The following CSMD1 variants were observed in gnomAD, a reference collection of about 807,000 sequenced individuals.
CSMD1 encodes the protein CUB and Sushi multiple domains 1, also known as CUB and sushi domain-containing protein 1.
In CSMD1, 213 loss-of-function variants were observed where a neutral mutation model predicts 417.5. That is an observed-to-expected ratio of 0.51 (90% CI 0.46 to 0.57). The LOEUF (loss-of-function observed/expected upper bound fraction) is 0.57. CSMD1 is among the 20% of genes least tolerant of loss of function. CSMD1 has a pLI of 0.00. For missense variants in CSMD1, 6,923 were observed against 4,529.7 expected, an observed-to-expected ratio of 1.53 and a Z score of -15.17; for synonymous variants, 2,862 against 1,736.8, an observed-to-expected ratio of 1.65 and a Z score of -16.11.
Position 2,973,190 on chromosome 8 carries a change from G to A in CSMD1, c.8850C>T (p.His2950=), listed in dbSNP as rs758133761. 6.2e-7 allele frequency: 1 copy of A among 1,613,774 alleles called. No homozygotes were observed. The highest frequency in any genetic ancestry group is 1.7e-5 in the Admixed American group (1 of 60,012). The part of the protein sequence containing the change: ...SLLRFSCEMG[H]QLRGSPERTC... ...TGCGTTCAGGGGAGCCCCTCAGCTG[G>A]TGCCCCATTTCACAGGAGAAGCGGA... Residue 2950 remains histidine, a synonymous_variant, in exon 57 of 70, where the codon CAC becomes CAT. Transcript: ENST00000635120.
At chr8:4,364,240 A>T (rs1268667368) in intron 3 of CSMD1, among the ~76,000 whole-genome samples, 1 of 152,228 alleles carries the variant, frequency 6.6e-6, no homozygotes, top group Non-Finnish European at 1.5e-5. Flanking sequence ...AACATTAAAA[A>T]TGCTTTACAT....
chr8:3,178,273 G>A (rs1024786732), intron 37 of CSMD1, among the ~76,000 whole-genome samples: 16 of 151,962 alleles, frequency 1.1e-4, no homozygotes, highest in African/African-American at 3.9e-4. Flanking sequence ...GGTTAAGGGG[G>A]CCTTGTTTTC....
chr8:4,282,347 C>T (rs1364455959), intron 3 of CSMD1, among the ~76,000 whole-genome samples: 1 of 152,156 alleles, frequency 6.6e-6, no homozygotes, highest in Non-Finnish European at 1.5e-5. Context: ...CACAGATCTT[C>T]TGGCCACTGG....
intron 30 of CSMD1, among the ~76,000 whole-genome samples, chr8:3,211,623 G>T (rs1213665652): frequency 6.6e-6 from 1 of 152,188 alleles, no homozygotes; most frequent in Non-Finnish European, 1.5e-5. Context: ...CCTAGAGACT[G>T]TCATCGCTCT....
At chr8:4,944,667 T>C (rs889508936) in intron 1 of CSMD1, among the ~76,000 whole-genome samples, 16 of 152,138 alleles carry the variant, frequency 1.1e-4, no homozygotes, top group Non-Finnish European at 2.9e-5. Context: ...TTATTGATCA[T>C]TAGAGGAATG....
intron 3 of CSMD1, among the ~76,000 whole-genome samples, chr8:4,057,478 T>C (rs1460536525): frequency 6.6e-6 from 1 of 152,212 alleles, no homozygotes; most frequent in African/African-American, 2.4e-5. Context: ...ACCCATTTTG[T>C]AGGTTGCCTG....
chr8:3,989,755 G>C (rs535039983), intron 5 of CSMD1, among the ~76,000 whole-genome samples: 1 of 152,328 alleles, frequency 6.6e-6, no homozygotes, highest in South Asian at 2.1e-4. Flanking sequence ...AAACGCTAAT[G>C]TTCTAGGCCA....
intron 2 of CSMD1, among the ~76,000 whole-genome samples, chr8:4,558,444 C>T (rs759167579): frequency 3.3e-5 from 5 of 152,134 alleles, no homozygotes; most frequent in Non-Finnish European, 5.9e-5. Flanking sequence ...TAATAATCAG[C>T]TTAAGTGAGG....
intron 35 of CSMD1, among the ~76,000 whole-genome samples, chr8:3,188,652 A>T (rs947961351): frequency 5.3e-5 from 8 of 151,746 alleles, no homozygotes; most frequent in Non-Finnish European, 1.0e-4. Flanking sequence ...TTTTTATTTT[A>T]AAAAATTGAT....
At chr8:4,293,141 G>T (rs909942204) in intron 3 of CSMD1, among the ~76,000 whole-genome samples, 5 of 152,050 alleles carry the variant, frequency 3.3e-5, no homozygotes, top group Admixed American at 2.6e-4. Context: ...GTTTTGTCCC[G>T]CACCTGCCCT....
chr8:4,198,762 G>A (rs1265527017), intron 3 of CSMD1, among the ~76,000 whole-genome samples: 1 of 151,816 alleles, frequency 6.6e-6, no homozygotes, highest in East Asian at 1.9e-4. Flanking sequence ...TGTGAATTTT[G>A]AAATACTATT....
chr8:4,218,113 T>A (rs553167326), intron 3 of CSMD1, among the ~76,000 whole-genome samples: 6 of 152,360 alleles, frequency 3.9e-5, no homozygotes, highest in Admixed American at 3.9e-4. Context: ...ACATTGGCGA[T>A]GACCTTGAAC....
At chr8:3,167,885 T>G (rs1476772902) in intron 37 of CSMD1, among the ~76,000 whole-genome samples, 2 of 152,188 alleles carry the variant, frequency 1.3e-5, no homozygotes, top group African/African-American at 4.8e-5. Context: ...TGCTTAAATC[T>G]TCCAGATAAA....
intron 5 of CSMD1, among the ~76,000 whole-genome samples, chr8:3,856,972 G>C (rs1417412585): frequency 6.6e-6 from 1 of 151,362 alleles, no homozygotes; most frequent in African/African-American, 2.4e-5. Flanking sequence ...AGTAGAATTT[G>C]GAATTTTTTT....
At chr8:3,869,372 T>A (rs958561144) in intron 5 of CSMD1, among the ~76,000 whole-genome samples, 1 of 152,186 alleles carries the variant, frequency 6.6e-6, no homozygotes, top group Non-Finnish European at 1.5e-5. Flanking sequence ...ATATAATACA[T>A]AGAGACTGAT....
intron 3 of CSMD1, among the ~76,000 whole-genome samples, chr8:4,053,994 T>C (rs890883178): frequency 6.6e-6 from 1 of 152,190 alleles, no homozygotes; most frequent in Non-Finnish European, 1.5e-5. Context: ...GTTAAGAACC[T>C]GAGATGTAAT....
intron 3 of CSMD1, among the ~76,000 whole-genome samples, chr8:4,283,763 C>T (rs1236529211): frequency 7.2e-6 from 1 of 139,300 alleles, no homozygotes; most frequent in Non-Finnish European, 1.5e-5. Context: ...TATTAAAATT[C>T]TGGACATGAA....
At chr8:4,481,958 T>A (rs1213767370) in intron 2 of CSMD1, among the ~76,000 whole-genome samples, 3 of 152,230 alleles carry the variant, frequency 2.0e-5, no homozygotes, top group African/African-American at 7.2e-5. Context: ...TATGATCCAT[T>A]ACTCTTAGCT....
chr8:3,231,071 G>C (rs1002869045), intron 26 of CSMD1, among the ~76,000 whole-genome samples: 10 of 152,092 alleles, frequency 6.6e-5, no homozygotes, highest in African/African-American at 2.4e-4. Context: ...ATCACAGAAG[G>C]CTACCGCAAG....
Sources: allele counts gnomAD v4.1 joint callset (sites outside exome capture counted in the v4.1 genomes callset), GRCh38; gene constraint gnomAD v4.1.1; transcripts MANE v1.5; gene names NCBI Gene and HGNC (gene_info 2026-07-23, HGNC 2026-07-21).